The following RABGAP1L variants were observed in gnomAD, a reference collection of about 807,000 sequenced individuals.
The protein encoded by RABGAP1L is rab GTPase-activating protein 1-like.
In RABGAP1L, 63 loss-of-function variants were observed where a neutral mutation model predicts 137.7. That is an observed-to-expected ratio of 0.46 (90% CI 0.37 to 0.56). RABGAP1L has a LOEUF of 0.56. Ranked by LOEUF, RABGAP1L falls within the 20% of genes least tolerant of loss-of-function variation. The pLI, the probability that RABGAP1L is intolerant of heterozygous loss-of-function variation, is 0.00. For synonymous variants in RABGAP1L, 431 were observed against 433.7 expected, an observed-to-expected ratio of 0.99 and a Z score of 0.08; for missense variants, 1,095 against 1,244.0, an observed-to-expected ratio of 0.88 and a Z score of 1.80.
In RABGAP1L at chr1:174,796,963, C is replaced by T. The variant is rs368230430; in HGVS notation, c.2212-14869C>T. ...CGGAGGTTGCAATGAGCTGAGATCA[C>T]GCCACTGCATTCCAGCCTGGGCAAC... On this transcript the variant is annotated intron_variant, in intron 18 of 25. Transcript: ENST00000681986. Among the ~76,000 whole-genome samples, 15 of 151,440 alleles carry T rather than the reference C, an allele frequency of 9.9e-5. No homozygotes were observed. The East Asian group carries it at 2.5e-3, about 26-fold the overall frequency.
At chr1:174,609,324 A>G (rs566641345) in intron 13 of RABGAP1L, among the ~76,000 whole-genome samples, 1 of 152,302 alleles carries the variant, frequency 6.6e-6, no homozygotes, top group Non-Finnish European at 1.5e-5. Context: ...ACAGTTTCTT[A>G]ACAGCAGTTG....
intron 7 of RABGAP1L, among the ~76,000 whole-genome samples, chr1:174,262,676 A>G (rs1173896240): frequency 6.6e-6 from 1 of 152,208 alleles, no homozygotes; most frequent in African/African-American, 2.4e-5. Context: ...TAAACATTTA[A>G]TTTATTGGTT....
At chr1:174,240,772 T>C (rs2148554858) in intron 4 of RABGAP1L, among the ~76,000 whole-genome samples, 1 of 152,334 alleles carries the variant, frequency 6.6e-6, no homozygotes, top group Middle Eastern at 3.4e-3. Flanking sequence ...TATTCTAGAT[T>C]GGCATTCCTT....
intron 13 of RABGAP1L, among the ~76,000 whole-genome samples, chr1:174,442,842 A>G (rs1047029582): frequency 2.0e-5 from 3 of 152,098 alleles, no homozygotes; most frequent in Admixed American, 2.0e-4. Context: ...GCATTTTTGT[A>G]ACCATTATCC....
chr1:174,936,794 C>T (rs554224989), intron 19 of RABGAP1L, among the ~76,000 whole-genome samples: 5 of 152,048 alleles, frequency 3.3e-5, no homozygotes, highest in Admixed American at 6.5e-5. Flanking sequence ...TTACTTTGAT[C>T]CCATGTTTAT....
chr1:174,673,638 C>G (rs1024864642), intron 14 of RABGAP1L, among the ~76,000 whole-genome samples: 2 of 151,692 alleles, frequency 1.3e-5, no homozygotes, highest in Non-Finnish European at 2.9e-5. Context: ...TTTTATTTTT[C>G]AGGCATAGAA....
At chr1:174,740,723 C>T (rs1388415511) in intron 17 of RABGAP1L, among the ~76,000 whole-genome samples, 1 of 152,004 alleles carries the variant, frequency 6.6e-6, no homozygotes, top group African/African-American at 2.4e-5. Context: ...CCCTTTTCTC[C>T]ACTTTCTTGT....
At chr1:174,905,117 CTAG>C (rs1252166959) in intron 19 of RABGAP1L, among the ~76,000 whole-genome samples, 1 of 152,056 alleles carries the variant, frequency 6.6e-6, no homozygotes, top group Non-Finnish European at 1.5e-5. Context: ...AGGAAGTGAC[CTAG>C]TAGTAAAGAT....
intron 12 of RABGAP1L, among the ~76,000 whole-genome samples, chr1:174,389,706 C>T (rs899585298): frequency 6.6e-6 from 1 of 152,078 alleles, no homozygotes; most frequent in African/African-American, 2.4e-5. Flanking sequence ...TATTCATTCA[C>T]TTACCAAAAA....
intron 13 of RABGAP1L, among the ~76,000 whole-genome samples, chr1:174,615,115 T>G (rs1185684637): frequency 6.6e-5 from 10 of 152,262 alleles, no homozygotes; most frequent in Non-Finnish European, 1.5e-4. Flanking sequence ...GTTTCGTTGC[T>G]GGTGAGGAAC....
chr1:174,617,925 A>T (rs1672049754), intron 13 of RABGAP1L, among the ~76,000 whole-genome samples: 1 of 152,036 alleles, frequency 6.6e-6, no homozygotes, highest in Admixed American at 6.6e-5. Context: ...GCACCTGGAA[A>T]ATCGGGTCAC....
chr1:174,504,390 T>C (rs937892581), intron 13 of RABGAP1L, among the ~76,000 whole-genome samples: 8 of 150,126 alleles, frequency 5.3e-5, no homozygotes, highest in African/African-American at 2.0e-4. Flanking sequence ...GTTTAGACCC[T>C]GAATAGCCAA....
At position 174,221,158 on chromosome 1, in the gene RABGAP1L, A is replaced by G; in HGVS notation, c.325A>G (p.Asn109Asp). The G allele has an allele frequency of 1.3e-6, 2 of 1,597,818 alleles. No individual in the cohort carries two copies. The highest frequency in any genetic ancestry group is 1.7e-6 in the Non-Finnish European group (2 of 1,171,338). Residue 109 changes from asparagine (N) to aspartate (D), a missense_variant, in exon 3 of 26, where the codon AAC becomes GAC. Physicochemically the swap from Asn to Asp is conservative, Grantham distance 23. Transcript: ENST00000681986. Reference protein sequence around the residue: ...PSLQLILDPSNTEISTPRPSS... With the variant: ...PSLQLILDPSDTEISTPRPSS... ...TCTTCAGTTAATTTTGGATCCGTCT[A>G]ACACAGGTACTGTATTGAATTCTTA...
intron 13 of RABGAP1L, among the ~76,000 whole-genome samples, chr1:174,542,086 A>G (rs1665512013): frequency 6.6e-6 from 1 of 152,190 alleles, no homozygotes. Flanking sequence ...AGGCATTGGT[A>G]TCAGGATGAT....
chr1:174,372,359 T>G (rs1358402089), intron 12 of RABGAP1L, among the ~76,000 whole-genome samples: 1 of 152,136 alleles, frequency 6.6e-6, no homozygotes, highest in African/African-American at 2.4e-5. Flanking sequence ...CATACAGGGC[T>G]GGTGCATAGT....
chr1:174,428,878 G>A (rs1325480287), intron 13 of RABGAP1L, among the ~76,000 whole-genome samples: 2 of 152,244 alleles, frequency 1.3e-5, no homozygotes, highest in East Asian at 1.9e-4. Context: ...CAATAAAAAT[G>A]TATATTTGCC....
intron 19 of RABGAP1L, among the ~76,000 whole-genome samples, chr1:174,837,358 T>A (rs1692875231): frequency 6.6e-6 from 1 of 152,236 alleles, no homozygotes; most frequent in African/African-American, 2.4e-5. Flanking sequence ...CTCATTATGA[T>A]GTTTATTGTG....
chr1:174,322,692 T>G (rs1047609085), intron 11 of RABGAP1L, among the ~76,000 whole-genome samples: 1 of 152,142 alleles, frequency 6.6e-6, no homozygotes, highest in African/African-American at 2.4e-5. Flanking sequence ...TTATTTACAT[T>G]GTGTGATTCT....
intron 17 of RABGAP1L, among the ~76,000 whole-genome samples, chr1:174,749,912 C>CT (rs546051802): frequency 4.2e-3 from 632 of 152,140 alleles, no homozygotes; most frequent in Middle Eastern, 0.017. Context: ...GAGTCTCGCT[C>CT]TGTCACCCAG....
Sources: gnomAD v4.1 joint callset for allele counts (sites outside exome capture counted in the v4.1 genomes callset) on GRCh38, gnomAD v4.1.1 for gene constraint, MANE v1.5 for transcripts, NCBI Gene and HGNC (gene_info 2026-07-23, HGNC 2026-07-21) for gene names.